The following PCDHGA8 variants were observed in gnomAD, a reference collection of about 807,000 sequenced individuals.
PCDHGA8 encodes the protein protocadherin gamma subfamily A, 8.
A neutral mutation model predicts 59.2 loss-of-function variants in PCDHGA8; 45 were observed. That is an observed-to-expected ratio of 0.76 (90% CI 0.60 to 0.98). The LOEUF (loss-of-function observed/expected upper bound fraction) is 0.98. PCDHGA8 is among the 50% of genes least tolerant of loss of function. PCDHGA8 has a pLI of 0.00. For synonymous variants in PCDHGA8, 531 were observed against 519.0 expected (o/e 1.02, Z -0.32); for missense variants, 1,257 against 1,196.2 (o/e 1.05, Z -0.75).
At chr5:141,400,102 G>C (rs376189143) in intron 1 of PCDHGA8, 35 of 1,614,084 alleles carry the variant, frequency 2.2e-5, no homozygotes, top group Non-Finnish European at 3.0e-5. Context: ...GCTGCACTTG[G>C]TCTTTGCTGA....
At position 141,395,537 on chromosome 5, in the gene PCDHGA8, A is replaced by T. The variant is rs946783125; in HGVS notation, c.2424+300A>T. 3.3e-5 allele frequency: 8 copies of T among 243,972 alleles called. No homozygotes were observed. In the African/African-American group the frequency reaches 3.8e-4, roughly 12 times the overall value. 15.1% of individuals were successfully genotyped at this position (243,972 alleles called of 1,614,324 possible). On this transcript the variant is annotated intron_variant, in intron 1 of 3. Transcript: ENST00000398604. ...ACCCGTCCATACTGGTAATTTTGCT[A>T]TTGTTTGTGTGTGTGTGTGTGTGTG...
intron 1 of PCDHGA8, chr5:141,409,193 TGTAAA>T (rs2095239502): frequency 1.2e-6 from 2 of 1,613,988 alleles, no homozygotes; most frequent in African/African-American, 1.3e-5. Context: ...CTCTACCCAG[TGTAAA>T]GTAATCATAG....
intron 1 of PCDHGA8, among the ~76,000 whole-genome samples, chr5:141,454,032 C>T (rs2098780173): frequency 6.6e-6 from 1 of 152,126 alleles, no homozygotes; most frequent in Non-Finnish European, 1.5e-5. Flanking sequence ...AAGAATTGGC[C>T]AGCAAAGATA....
Position 141,489,409 on chromosome 5 carries a change from A to T in PCDHGA8, c.2425-5398A>T. On this transcript the variant is annotated intron_variant, in intron 1 of 3. Transcript: ENST00000398604. The surrounding 1 kb of genome is among the most constrained non-coding windows in gnomAD (Gnocchi z 4.5). ...TGCTCAGGATCTGGGCTTAAAGATG[A>T]CAGATCTGTTGAGCCGGCGGCTGCA... 1.9e-6 allele frequency: 3 copies of T among 1,614,114 alleles called. No homozygotes were observed. The highest frequency in any genetic ancestry group is 2.5e-6 in the Non-Finnish European group (3 of 1,180,004).
intron 1 of PCDHGA8, among the ~76,000 whole-genome samples, chr5:141,436,884 G>T (rs1041906146): frequency 6.6e-6 from 1 of 152,190 alleles, no homozygotes; most frequent in Non-Finnish European, 1.5e-5. Context: ...AAAAGATGGG[G>T]GAAAGATTTT....
At chr5:141,481,913 CA>C (rs34114744) in intron 1 of PCDHGA8, among the ~76,000 whole-genome samples, 39,195 of 90,872 alleles carry the variant, frequency 0.43, 5,902 homozygotes, top group Admixed American at 0.51. Flanking sequence ...AACTCCATCT[CA>C]AAAAAAAAAA....
chr5:141,395,105 G>T lies in PCDHGA8; in HGVS notation c.2292G>T (p.Arg764=). The change falls in exon 1 of 4, where the codon CGG becomes CGT. Residue 764 remains arginine (R), a synonymous_variant. Transcript: ENST00000398604. ...SQEVSLTADS[R]KSHLIFPQPN... is the part of the protein sequence containing the mutation. ...AAGTCTCCCTCACCGCCGACTCGCG[G>T]AAGAGTCACCTGATCTTTCCCCAGC... 1.9e-6 allele frequency: 3 copies of T among 1,614,220 alleles called. No homozygotes were observed. Among genetic ancestry groups the T allele is most frequent in the Non-Finnish European group, 2.5e-6 (3 of 1,180,048 alleles).
intron 3 of PCDHGA8, among the ~76,000 whole-genome samples, chr5:141,510,468 A>G (rs1246106107): frequency 2.0e-5 from 3 of 152,152 alleles, no homozygotes; most frequent in Admixed American, 2.0e-4. Flanking sequence ...TGTGGGAGTC[A>G]GAGGCTCCCT....
In PCDHGA8 at chr5:141,394,724, G is replaced by C. The variant is rs2093074353; in HGVS notation, c.1911G>C (p.Ala637=). 1.2e-6 allele frequency: 2 copies of C among 1,613,380 alleles called. No individual in the cohort carries two copies. Among genetic ancestry groups the C allele is most frequent in the Non-Finnish European group, 1.7e-6 (2 of 1,179,974 alleles). ...RTARALLDRD[A]LKQSLVVAVQ... ...CGCGAGCCCTGCTGGACAGAGATGC[G>C]CTCAAGCAGAGCCTCGTGGTGGCCG... is the stretch of plus-strand genomic sequence containing the variant. The change falls in exon 1 of 4, where the codon GCG becomes GCC. Residue 637 remains alanine (A), a synonymous_variant. Transcript: ENST00000398604.
At chr5:141,510,677 A>G (rs2099882239) in intron 3 of PCDHGA8, among the ~76,000 whole-genome samples, 2 of 152,212 alleles carry the variant, frequency 1.3e-5, no homozygotes, top group African/African-American at 4.8e-5. Context: ...CTGAAGTGGC[A>G]TAAGGAGGTT....
rs1330713312 is a variant in PCDHGA8 at position 141,414,559 on chromosome 5, T to G, written c.2424+19322T>G. The stretch of plus-strand genomic sequence containing the variant: ...ACCTACCTTCTCTCAAGTCTCCTAC[T>G]TTACCTATATCCCAGAGAACAACGC... On this transcript the variant is annotated intron_variant, in intron 1 of 3. Coordinates refer to ENST00000398604, the MANE Select transcript of PCDHGA8 (RefSeq NM_032088.2). 5.0e-6 allele frequency: 8 copies of G among 1,613,782 alleles called. No homozygotes were observed. The Admixed American group carries it at 1.0e-4, about 20-fold the overall frequency.
chr5:141,428,120 C>G (rs756805763), intron 1 of PCDHGA8: 2 of 1,606,528 alleles, frequency 1.2e-6, no homozygotes, highest in South Asian at 1.1e-5. Context: ...CCATCGAGCC[C>G]GGGCTTTTCA....
At chr5:141,400,684 G>GT (rs1422516327) in intron 1 of PCDHGA8, 1 of 834,872 alleles carries the variant, frequency 1.2e-6, no homozygotes, top group African/African-American at 1.7e-5. Flanking sequence ...TAAATTGTGA[G>GT]TTTTTATGTC....
At chr5:141,457,422 T>TC (rs1038085994) in intron 1 of PCDHGA8, among the ~76,000 whole-genome samples, 6 of 151,626 alleles carry the variant, frequency 4.0e-5, no homozygotes, top group African/African-American at 7.3e-5. Flanking sequence ...CATCCCTTTT[T>TC]CCCCCCCACC....
intron 1 of PCDHGA8, chr5:141,403,131 C>T: frequency 5.6e-6 from 9 of 1,614,034 alleles, no homozygotes; most frequent in Non-Finnish European, 6.8e-6. Context: ...CGGGAGCTGG[C>T]GGAGCGCCGA....
chr5:141,403,163 A>C, intron 1 of PCDHGA8: 1 of 1,614,052 alleles, frequency 6.2e-7, no homozygotes, highest in South Asian at 1.1e-5. Flanking sequence ...CTCTAGAGGT[A>C]GGACGCAGCT....
In PCDHGA8 at chr5:141,511,036, G is replaced by T; in HGVS notation, c.2662G>T (p.Val888Leu). The T allele has an allele frequency of 1.2e-6, 2 of 1,614,200 alleles. No homozygotes were observed. The highest frequency in any genetic ancestry group is 1.7e-6 in the Non-Finnish European group (2 of 1,180,024). Residue 888 changes from valine to leucine, a missense_variant, in exon 4 of 4, where the codon GTG (valine) becomes TTG (leucine). Transcript: ENST00000398604. ...RYGPQFTLQHVPDYRQNVYIP... is the reference protein window; with the variant it reads ...RYGPQFTLQHLPDYRQNVYIP... Reference sequence around the variant, plus strand: ...CGGACCCCAGTTCACCCTGCAGCACGTGCCCGACTACCGCCAGAATGTCTA... The same window carrying T: ...CGGACCCCAGTTCACCCTGCAGCACTTGCCCGACTACCGCCAGAATGTCTA...
At chr5:141,450,727 T>G (rs1592137328) in intron 1 of PCDHGA8, among the ~76,000 whole-genome samples, 1 of 152,080 alleles carries the variant, frequency 6.6e-6, no homozygotes, top group Non-Finnish European at 1.5e-5. Flanking sequence ...CCTCAGGTGA[T>G]CCGCCCGCCT....
In PCDHGA8 at chr5:141,399,495, T is replaced by G. The variant is rs779594817; in HGVS notation, c.2424+4258T>G. On this transcript the variant is annotated intron_variant, in intron 1 of 3. Transcript: ENST00000398604. ...TCCACCAGGCGTCCTACTTAGTCAGTGTACCCGAAAACAACCCTCCTGGGG... is the reference window on the plus strand; with the variant it reads ...TCCACCAGGCGTCCTACTTAGTCAGGGTACCCGAAAACAACCCTCCTGGGG... 1.1e-5 allele frequency: 18 copies of G among 1,613,916 alleles called. No individual in the cohort carries two copies. Among genetic ancestry groups the G allele is most frequent in the Non-Finnish European group, 1.5e-5 (18 of 1,179,912 alleles).
Sources: allele counts gnomAD v4.1 joint callset (sites outside exome capture counted in the v4.1 genomes callset), GRCh38; gene constraint gnomAD v4.1.1; non-coding constraint Gnocchi (gnomAD v3.1); transcripts MANE v1.5; gene names NCBI Gene and HGNC (gene_info 2026-07-23, HGNC 2026-07-21).